MGAM2: variants seen among roughly 807,000 people sequenced by gnomAD.
The protein encoded by MGAM2 is probable maltase-glucoamylase 2.
MGAM2 carries 98 observed loss-of-function variants against 96.1 expected under a neutral mutation model. That is an observed-to-expected ratio of 1.02 (90% CI 0.87 to 1.21). The LOEUF (loss-of-function observed/expected upper bound fraction) is 1.21. Ranked by LOEUF, MGAM2 falls within the 50% of genes most tolerant of loss-of-function variation. The probability of loss-of-function intolerance (pLI) is 0.00; values close to 1 mark genes in which losing one functional copy is unlikely to be tolerated. For synonymous variants in MGAM2, 749 were observed against 414.8 expected (o/e 1.81, Z -9.79); for missense variants, 2,055 against 1,182.4 (o/e 1.74, Z -10.82).
intron 37 of MGAM2, among the ~76,000 whole-genome samples, chr7:142,191,389 C>T (rs1796863187): frequency 1.3e-5 from 2 of 152,020 alleles, no homozygotes; most frequent in South Asian, 4.2e-4. Flanking sequence ...AAGATTTATT[C>T]CTATGTCTTC....
intron 1 of MGAM2, among the ~76,000 whole-genome samples, chr7:142,112,248 C>G (rs1349688549): frequency 6.6e-6 from 1 of 152,002 alleles, no homozygotes; most frequent in Non-Finnish European, 1.5e-5. Flanking sequence ...TTAGGAATCC[C>G]CATCCTGTCC....
At chr7:142,184,192 C>T (rs62475301) in intron 33 of MGAM2, among the ~76,000 whole-genome samples, 17,993 of 151,670 alleles carry the variant, frequency 0.12, 1,146 homozygotes, top group African/African-American at 0.15. Flanking sequence ...AGGCTGGTCT[C>T]GAACTCATGA....
chr7:142,197,932 T>A lies in MGAM2; in HGVS notation c.4866+204T>A, dbSNP rs12112538. Among the ~76,000 whole-genome samples the A allele has an allele frequency of 9.8e-3, 1,371 of 139,600 alleles. 21 individuals carry two copies. The highest frequency in any genetic ancestry group is 0.036 in the African/African-American group (1,309 of 36,316). 91.6% of individuals were successfully genotyped at this position (139,600 alleles called of 152,430 possible). On this transcript the variant is annotated intron_variant, in intron 42 of 47. Transcript: ENST00000477922. ...TACTACACTGACTGATTTCTCATTT[T>A]AAAATTTTGTCATTTACTTTTTAAA... is the stretch of plus-strand genomic sequence containing the variant.
chr7:142,175,801 G>C, intron 32 of MGAM2, 21 bp downstream of exon 32: 1 of 698,626 alleles, frequency 1.4e-6, no homozygotes, highest in Non-Finnish European at 2.6e-6. Flanking sequence ...AGACAGATCA[G>C]ATCCTACTTT....
Position 142,219,851 on chromosome 7 carries a change from A to G in MGAM2, c.5359-19A>G, listed in dbSNP as rs755142270. 2.9e-5 allele frequency: 20 copies of G among 678,360 alleles called. No homozygotes were observed. Among genetic ancestry groups the G allele is most frequent in the South Asian group, 2.5e-4 (16 of 62,922 alleles). 42.0% of individuals were successfully genotyped at this position (678,360 alleles called of 1,614,324 possible). The stretch of plus-strand genomic sequence containing the variant: ...AAGAAGTTCTAAAATACCCATTTAT[A>G]TCTCTTCTTTTCTGGCAGATACTAA... On this transcript the variant is annotated intron_variant, in intron 47 of 47. Transcript: ENST00000477922.
rs546627008 is a variant in MGAM2, at chr7:142,167,247, G to A, written c.2809-21G>A. The A allele has an allele frequency of 4.5e-6, 3 of 664,610 alleles. No individual in the cohort carries two copies. The East Asian group carries it at 8.1e-5, about 18-fold the overall frequency. 41.2% of individuals were successfully genotyped at this position (664,610 alleles called of 1,614,324 possible). A position where few individuals can be genotyped will look rare whatever the true frequency, so the allele number is the denominator to read the frequency against. On this transcript the variant is annotated intron_variant, in intron 25 of 47. Transcript: ENST00000477922. ...TAGTGTTGTATCAGAGGCTGAGCAA[G>A]ACTTTCTCCTGTTATTCCAGGACAC...
intron 17 of MGAM2, among the ~76,000 whole-genome samples, chr7:142,155,679 G>C (rs145656303): frequency 6.6e-6 from 1 of 152,148 alleles, no homozygotes; most frequent in Non-Finnish European, 1.5e-5. Context: ...TAAGCAGGTG[G>C]CTGGGAGCAG....
intron 46 of MGAM2, 144 bp from the exon 47 acceptor site, chr7:142,218,217 T>G: frequency 2.1e-6 from 1 of 480,362 alleles, no homozygotes; most frequent in South Asian, 5.1e-5. Flanking sequence ...ATAATTATTA[T>G]GTATCAATAA....
chr7:142,155,362 C>T (rs778637047), intron 17 of MGAM2, among the ~76,000 whole-genome samples: 6 of 152,144 alleles, frequency 3.9e-5, no homozygotes, highest in Admixed American at 6.6e-5. Context: ...ATAGTATTTT[C>T]GATGGGCAAG....
rs756311779 is a variant in MGAM2, at chr7:142,196,220, A to G, written c.4413A>G (p.Gly1471=). The change falls in exon 38 of 48, where the codon GGA becomes GGG. Residue 1471 remains glycine (G), a synonymous_variant. Transcript: ENST00000477922. ...IITRSTFPSS[G]RWGGHRLGNN... ...CCCGCTCCACATTTCCCTCTTCTGG[A>G]CGCTGGGGAGGACACCGGTTGGGAA... The G allele has an allele frequency of 9.0e-7, 1 of 1,107,300 alleles. No individual in the cohort carries two copies. Among genetic ancestry groups the G allele is most frequent in the South Asian group, 1.3e-5 (1 of 75,078 alleles). 68.6% of individuals were successfully genotyped at this position (1,107,300 alleles called of 1,614,324 possible). A position where few individuals can be genotyped will look rare whatever the true frequency, so the allele number is the denominator to read the frequency against.
chr7:142,203,729 CA>C (rs1797310854), intron 45 of MGAM2, among the ~76,000 whole-genome samples: 2 of 151,996 alleles, frequency 1.3e-5, no homozygotes, highest in Non-Finnish European at 2.9e-5. Context: ...ACAAAGGTGA[CA>C]AAAACAAGCA....
intron 1 of MGAM2, among the ~76,000 whole-genome samples, chr7:142,113,457 T>C (rs1042802322): frequency 3.9e-5 from 6 of 152,132 alleles, no homozygotes; most frequent in Non-Finnish European, 4.4e-5. Context: ...ACCGGGAAAG[T>C]AGTCTGACTG....
chr7:142,206,289 A>G (rs1797397728), intron 45 of MGAM2, among the ~76,000 whole-genome samples: 1 of 152,144 alleles, frequency 6.6e-6, no homozygotes, highest in Non-Finnish European at 1.5e-5. Flanking sequence ...AACCTCAGCA[A>G]TACTGACGTT....
chr7:142,125,277 G>T (rs1183611169), intron 3 of MGAM2, among the ~76,000 whole-genome samples: 2 of 152,142 alleles, frequency 1.3e-5, no homozygotes, highest in Non-Finnish European at 2.9e-5. Context: ...AGACTCTATT[G>T]AAGAAATCCC....
At chr7:142,162,343 A>G (rs28661599) in intron 23 of MGAM2, among the ~76,000 whole-genome samples, 1 of 152,008 alleles carries the variant, frequency 6.6e-6, no homozygotes, top group Non-Finnish European at 1.5e-5. Context: ...GGTATGGCAC[A>G]TTTTTAAGGT....
In MGAM2 at chr7:142,172,301, A is replaced by T. The variant is rs1221706012; in HGVS notation, c.3448+107A>T. 3 of 558,246 alleles carry T rather than the reference A, an allele frequency of 5.4e-6. No homozygotes were observed. The African/African-American group carries it at 5.6e-5, about 10-fold the overall frequency. The allele number at this position is 558,246 out of a possible 1,614,324, so 34.6% of individuals were successfully genotyped here. ...GACATTCAGGGGGCAAGGGAAATGG[A>T]ACAAATAAACTGACTTTCCATTTAT... On this transcript the variant is annotated intron_variant, in intron 29 of 47. Transcript: ENST00000477922.
At chr7:142,152,539 A>C (rs1739535232) in intron 15 of MGAM2, among the ~76,000 whole-genome samples, 1 of 152,086 alleles carries the variant, frequency 6.6e-6, no homozygotes, top group Non-Finnish European at 1.5e-5. Context: ...GTATTTATAG[A>C]CTCTCCAAAC....
chr7:142,182,457 G>T (rs1048145108), intron 32 of MGAM2, among the ~76,000 whole-genome samples: 1 of 152,208 alleles, frequency 6.6e-6, no homozygotes, highest in South Asian at 2.1e-4. Context: ...TGTCAGCAGG[G>T]GCTAGAGCCA....
chr7:142,171,561 C>A, intron 28 of MGAM2, 121 bp downstream of exon 28: 1 of 520,248 alleles, frequency 1.9e-6, no homozygotes, highest in South Asian at 2.0e-5. Flanking sequence ...ATTCCGCTCT[C>A]AGTTGTAATA....
Sources: allele counts gnomAD v4.1 joint callset (sites outside exome capture counted in the v4.1 genomes callset), GRCh38; gene constraint gnomAD v4.1.1; transcripts MANE v1.5; gene names NCBI Gene and HGNC (gene_info 2026-07-23, HGNC 2026-07-21).